The following UBAP1 variants were observed in gnomAD, a reference collection of about 807,000 sequenced individuals.
The protein encoded by UBAP1 is ubiquitin-associated protein 1.
Under a neutral mutation model 39.0 loss-of-function variants are expected in UBAP1, and 5 were observed. The observed-to-expected ratio is 0.13, with a 90% confidence interval of 0.07 to 0.27. The LOEUF (loss-of-function observed/expected upper bound fraction) is 0.27, where lower values mean the gene tolerates loss of function less well. UBAP1 is among the 10% of genes least tolerant of loss of function. The pLI, the probability that UBAP1 is intolerant of heterozygous loss-of-function variation, is 1.00. For missense variants in UBAP1, 490 were observed against 608.1 expected (o/e 0.81, Z 2.04); for synonymous variants, 211 against 225.1 (o/e 0.94, Z 0.56).
chr9:34,180,439 C>T (rs112651643), intron 1 of UBAP1, among the ~76,000 whole-genome samples: 6 of 150,466 alleles, frequency 4.0e-5, no homozygotes, highest in African/African-American at 1.5e-4. Flanking sequence ...ACCTGGGAGG[C>T]GGAGGTAGCA....
chr9:34,232,931 T>C (rs997123493), intron 2 of UBAP1, among the ~76,000 whole-genome samples: 1 of 152,200 alleles, frequency 6.6e-6, no homozygotes. Flanking sequence ...AACATGGCCC[T>C]GTTTGGAGTA....
In UBAP1 at chr9:34,241,872, C is replaced by T; in HGVS notation, c.847C>T (p.Leu283=). 1 of 1,614,192 alleles carries T rather than the reference C, an allele frequency of 6.2e-7. No individual in the cohort carries two copies. Among genetic ancestry groups the T allele is most frequent in the Non-Finnish European group, 8.5e-7 (1 of 1,180,046 alleles). The part of the protein sequence containing the change: ...SDDSNQKTAK[L]ASTFHSTSCL... Reference sequence around the variant, plus strand: ...TGACAGCAATCAGAAGACAGCCAAGCTGGCGAGCACTTTCCATAGCACATC... The same window carrying T: ...TGACAGCAATCAGAAGACAGCCAAGTTGGCGAGCACTTTCCATAGCACATC... Residue 283 remains leucine (L), a synonymous_variant, in exon 4 of 7, where the codon CTG becomes TTG. Transcript: ENST00000297661.
rs2297392 is a variant in UBAP1, at chr9:34,250,918, G to T, written c.1368+159G>T. ...AATCTCCCAAGTATTCAGACAGGCC[G>T]AGGCCTGCGTTTGGCTTGGTGGTTG... On this transcript the variant is annotated intron_variant, in intron 6 of 6. Coordinates refer to ENST00000297661, the MANE Select transcript of UBAP1 (RefSeq NM_016525.5). 1.0e-5 allele frequency: 7 copies of T among 677,668 alleles called. No individual in the cohort carries two copies. The African/African-American group carries it at 1.2e-4, about 12-fold the overall frequency. The allele number at this position is 677,668 out of a possible 1,614,324, so 42.0% of individuals were successfully genotyped here. A position where few individuals can be genotyped will look rare whatever the true frequency, so the allele number is the denominator to read the frequency against.
rs142007673 is a variant in UBAP1, at chr9:34,188,558, T to C, written c.-8+9318T>C. On this transcript the variant is annotated intron_variant, in intron 1 of 6. Coordinates refer to ENST00000297661, the MANE Select transcript of UBAP1 (RefSeq NM_016525.5). The stretch of plus-strand genomic sequence containing the variant: ...CTGGGATTACAGACGTGAGCCACCA[T>C]GCCTGGTGCTTTCAGCTACCTTTAA... Among the ~76,000 whole-genome samples, 103 of 147,376 alleles carry C rather than the reference T, an allele frequency of 7.0e-4. No homozygotes were observed. In the East Asian group the frequency reaches 0.018, roughly 26 times the overall value.
At chr9:34,187,155 G>T (rs1346232255) in intron 1 of UBAP1, among the ~76,000 whole-genome samples, 1 of 152,158 alleles carries the variant, frequency 6.6e-6, no homozygotes, top group African/African-American at 2.4e-5. Flanking sequence ...TGATCCACCC[G>T]CCTGGGCCTC....
chr9:34,188,941 G>A (rs1344812179), intron 1 of UBAP1, among the ~76,000 whole-genome samples: 2 of 152,112 alleles, frequency 1.3e-5, no homozygotes, highest in Non-Finnish European at 2.9e-5. Context: ...TGGCCGACAA[G>A]AGTGAAACTC....
At chr9:34,249,710 C>A in intron 4 of UBAP1, 69 bp from the exon 5 acceptor site, 1 of 1,485,512 alleles carries the variant, frequency 6.7e-7, no homozygotes, top group Non-Finnish European at 9.3e-7. Flanking sequence ...AACCCCTGGA[C>A]TAGGCTGCCT....
chr9:34,199,903 T>G (rs1831275730), intron 1 of UBAP1, among the ~76,000 whole-genome samples: 1 of 151,614 alleles, frequency 6.6e-6, no homozygotes, highest in African/African-American at 2.4e-5. Context: ...GCCTCGGCCT[T>G]GCAAAGTACT....
In UBAP1 at chr9:34,234,403, G is replaced by A. The variant is rs542234489; in HGVS notation, c.159+63G>A. 160 of 1,518,830 alleles carry A rather than the reference G, an allele frequency of 1.1e-4. 2 individuals are homozygous for A. In the South Asian group the frequency reaches 1.7e-3, roughly 16 times the overall value. 94.1% of individuals were successfully genotyped at this position (1,518,830 alleles called of 1,614,324 possible). ...AAAGTTTAAAGAGTAAGAATTTGAT[G>A]TATAGTGAAATAGAAAAAATTACAG... On this transcript the variant is annotated intron_variant, in intron 3 of 6. Coordinates refer to ENST00000297661, the MANE Select transcript of UBAP1 (RefSeq NM_016525.5).
At chr9:34,228,417 CAAA>C (rs1182740329) in intron 2 of UBAP1, among the ~76,000 whole-genome samples, 6 of 56,176 alleles carry the variant, frequency 1.1e-4, no homozygotes, top group East Asian at 4.1e-4. Context: ...GACTTCATCT[CAAA>C]AAAAAAAAAA....
At chr9:34,222,186 C>T (rs1315179522) in intron 2 of UBAP1, among the ~76,000 whole-genome samples, 1 of 152,044 alleles carries the variant, frequency 6.6e-6, no homozygotes, top group East Asian at 1.9e-4. Context: ...TGCCTGGGGA[C>T]GTGTTGGTAT....
At chr9:34,219,653 G>A (rs1832548176) in intron 1 of UBAP1, among the ~76,000 whole-genome samples, 1 of 147,242 alleles carries the variant, frequency 6.8e-6, no homozygotes, top group Admixed American at 6.8e-5. Context: ...ATGCCCCTGT[G>A]AACATTGAGT....
At position 34,249,139 on chromosome 9, in the gene UBAP1, C is replaced by A. The variant is rs1259532559; in HGVS notation, c.1084-640C>A. On this transcript the variant is annotated intron_variant, in intron 4 of 6. Coordinates refer to ENST00000297661, the MANE Select transcript of UBAP1 (RefSeq NM_016525.5). The stretch of plus-strand genomic sequence containing the variant: ...CAGCCTGGTGTGGCTAGTATGCCTT[C>A]TGTCCTGGCACTGTAGGATGGCAGC... Among the ~76,000 whole-genome samples the A allele has an allele frequency of 3.9e-5, 6 of 152,156 alleles. No homozygotes were observed. The South Asian group carries it at 8.3e-4, about 21-fold the overall frequency.
At chr9:34,226,230 G>GTT (rs750656542) in intron 2 of UBAP1, among the ~76,000 whole-genome samples, 1,576 of 111,914 alleles carry the variant, frequency 0.014, 112 homozygotes, top group African/African-American at 0.049. Flanking sequence ...CCCGTTTCTT[G>GTT]TTTTTTTTTT....
intron 3 of UBAP1, among the ~76,000 whole-genome samples, chr9:34,236,932 C>G (rs1288251972): frequency 6.6e-6 from 1 of 152,096 alleles, no homozygotes; most frequent in Non-Finnish European, 1.5e-5. Context: ...AACCACGTTA[C>G]TAGTAGTCTG....
intron 1 of UBAP1, among the ~76,000 whole-genome samples, chr9:34,196,822 C>T (rs191037977): frequency 7.2e-5 from 11 of 151,756 alleles, no homozygotes; most frequent in East Asian, 3.9e-4. Flanking sequence ...TATATTCTTC[C>T]GCTCTAAGAT....
chr9:34,239,926 G>C (rs755169024), intron 3 of UBAP1, among the ~76,000 whole-genome samples: 2 of 151,970 alleles, frequency 1.3e-5, no homozygotes, highest in Non-Finnish European at 2.9e-5. Flanking sequence ...CTTTTTCTGC[G>C]TTCCAAGTAT....
chr9:34,229,361 G>A (rs1833286876), intron 2 of UBAP1, among the ~76,000 whole-genome samples: 1 of 151,742 alleles, frequency 6.6e-6, no homozygotes, highest in Non-Finnish European at 1.5e-5. Context: ...AGGTTCAAGC[G>A]ATTCTCCTGC....
intron 1 of UBAP1, among the ~76,000 whole-genome samples, chr9:34,197,264 A>C (rs1016637967): frequency 2.6e-5 from 4 of 151,622 alleles, no homozygotes; most frequent in African/African-American, 9.7e-5. Context: ...GACCTTCTTT[A>C]ATAGGATTAT....
Sources: gnomAD v4.1 joint callset for allele counts (sites outside exome capture counted in the v4.1 genomes callset) on GRCh38, gnomAD v4.1.1 for gene constraint, MANE v1.5 for transcripts, NCBI Gene and HGNC (gene_info 2026-07-23, HGNC 2026-07-21) for gene names.